DEPTOR: variants seen among roughly 807,000 people sequenced by gnomAD.
The protein encoded by DEPTOR is DEP domain containing MTOR interacting protein.
In DEPTOR, 41 loss-of-function variants were observed where a neutral mutation model predicts 41.6. The observed-to-expected ratio is 0.98, with a 90% CI of 0.77 to 1.28. The LOEUF (loss-of-function observed/expected upper bound fraction) is 1.28. Ranked by LOEUF, DEPTOR falls within the 50% of genes most tolerant of loss-of-function variation. The pLI, the probability that DEPTOR is intolerant of heterozygous loss-of-function variation, is 0.00. For missense variants in DEPTOR, 514 were observed against 527.9 expected (o/e 0.97, Z 0.26); for synonymous variants, 195 against 192.3 (o/e 1.01, Z -0.12).
intron 1 of DEPTOR, among the ~76,000 whole-genome samples, chr8:119,919,436 TTA>T (rs1827863165): frequency 6.6e-6 from 1 of 152,236 alleles, no homozygotes; most frequent in East Asian, 1.9e-4. Flanking sequence ...AATTTCATTT[TTA>T]TATATATTTG....
intron 1 of DEPTOR, among the ~76,000 whole-genome samples, chr8:119,878,562 C>T (rs1586594211): frequency 6.6e-6 from 1 of 150,730 alleles, no homozygotes; most frequent in Admixed American, 6.6e-5. Context: ...CTCTTGACCT[C>T]GTGATCCGCC....
At chr8:119,968,887 G>A (rs1005247752) in intron 4 of DEPTOR, among the ~76,000 whole-genome samples, 1 of 151,970 alleles carries the variant, frequency 6.6e-6, no homozygotes, top group African/African-American at 2.4e-5. Flanking sequence ...GGCTGGGCAT[G>A]GTGGCTCAGC....
chr8:120,035,746 G>T (rs1812971087), intron 8 of DEPTOR, among the ~76,000 whole-genome samples: 1 of 152,136 alleles, frequency 6.6e-6, no homozygotes, highest in African/African-American at 2.4e-5. Flanking sequence ...TGGCCAGGCT[G>T]GTTTCGAACT....
chr8:120,035,864 AC>A (rs1309223652), intron 8 of DEPTOR, among the ~76,000 whole-genome samples: 9 of 152,178 alleles, frequency 5.9e-5, no homozygotes, highest in Non-Finnish European at 1.3e-4. Context: ...ACGTTCAGAA[AC>A]CACCAGATAG....
intron 1 of DEPTOR, among the ~76,000 whole-genome samples, chr8:119,914,058 C>CT (rs1328167124): frequency 3.0e-4 from 40 of 132,144 alleles, no homozygotes; most frequent in Middle Eastern, 3.5e-3. Context: ...CTTTTTTGTT[C>CT]TTTTTTTTGA....
chr8:120,037,474 T>C (rs1045053962), intron 8 of DEPTOR, among the ~76,000 whole-genome samples: 1 of 152,160 alleles, frequency 6.6e-6, no homozygotes, highest in Non-Finnish European at 1.5e-5. Flanking sequence ...AAGGCAGAGA[T>C]TAGGTGATGC....
Position 119,940,226 on chromosome 8 carries a change from CA to C in DEPTOR, c.425+10292del, listed in dbSNP as rs531723976. On this transcript the variant is annotated intron_variant, in intron 3 of 8. Transcript: ENST00000286234. Reference sequence around the variant, plus strand: ...GAGTGAAACTCCATCTCAAACAAAACAAAACCAAGCAAAAAAAACATGTAAT... The same window carrying C: ...GAGTGAAACTCCATCTCAAACAAAACAAACCAAGCAAAAAAAACATGTAAT... 3.3e-3 allele frequency among the ~76,000 whole-genome samples: 507 copies of C among 151,602 alleles called. 10 individuals are homozygous for C. The highest frequency in any genetic ancestry group is 0.028 in the Admixed American group (419 of 15,198).
intron 1 of DEPTOR, among the ~76,000 whole-genome samples, chr8:119,907,014 C>G (rs553017574): frequency 2.6e-5 from 4 of 152,208 alleles, no homozygotes; most frequent in African/African-American, 9.6e-5. Flanking sequence ...TATAAGCAGG[C>G]GAAGAGAATG....
chr8:120,039,725 T>C (rs1813031504), intron 8 of DEPTOR, among the ~76,000 whole-genome samples: 1 of 152,230 alleles, frequency 6.6e-6, no homozygotes, highest in Non-Finnish European at 1.5e-5. Flanking sequence ...CCGATAATGG[T>C]TCTAAACTTA....
chr8:119,957,823 A>T (rs1828438908), intron 3 of DEPTOR, among the ~76,000 whole-genome samples: 1 of 152,118 alleles, frequency 6.6e-6, no homozygotes, highest in African/African-American at 2.4e-5. Context: ...TCCTGACCTC[A>T]AGTGATTCGC....
At chr8:119,939,305 A>G (rs563182410) in intron 3 of DEPTOR, among the ~76,000 whole-genome samples, 43 of 152,278 alleles carry the variant, frequency 2.8e-4, no homozygotes, top group Admixed American at 7.8e-4. Flanking sequence ...GGGCCGTCTC[A>G]GGAGGCAGCC....
chr8:119,989,006 G>T (rs1828866318), intron 4 of DEPTOR, among the ~76,000 whole-genome samples: 3 of 103,716 alleles, frequency 2.9e-5, no homozygotes, highest in African/African-American at 7.6e-5. Flanking sequence ...TTACCATGTT[G>T]CCCAGGCTAG....
intron 1 of DEPTOR, among the ~76,000 whole-genome samples, chr8:119,905,941 C>A (rs948637546): frequency 6.6e-6 from 1 of 152,232 alleles, no homozygotes; most frequent in Non-Finnish European, 1.5e-5. Flanking sequence ...CTGCACTTGG[C>A]CAATTTTTAA....
intron 1 of DEPTOR, among the ~76,000 whole-genome samples, chr8:119,924,506 C>A: frequency 6.6e-6 from 1 of 152,080 alleles, no homozygotes; most frequent in Non-Finnish European, 1.5e-5. Flanking sequence ...ACTTGCCTTA[C>A]CTTGCCACTC....
chr8:119,925,068 A>G (rs2078562831), intron 1 of DEPTOR, among the ~76,000 whole-genome samples: 1 of 152,180 alleles, frequency 6.6e-6, no homozygotes, highest in Non-Finnish European at 1.5e-5. Context: ...CGTGGGCAAG[A>G]AAACTTGTGC....
Position 119,873,936 on chromosome 8 carries a change from G to T in DEPTOR, c.90G>T (p.Met30Ile), listed in dbSNP as rs771148514. The T allele has an allele frequency of 1.9e-6, 3 of 1,613,624 alleles. No individual in the cohort carries two copies. In the African/African-American group the frequency reaches 4.0e-5, roughly 22 times the overall value. The change falls in exon 1 of 9, where the codon ATG becomes ATT. Residue 30 changes from methionine to isoleucine, a missense_variant. Transcript: ENST00000286234. ...GGAQQRELERMAEVLVTGEQL... is the reference protein window; with the variant it reads ...GGAQQRELERIAEVLVTGEQL... ...CGCAGCAAAGGGAGCTGGAGCGCAT[G>T]GCTGAGGTCTTGGTCACCGGGGAAC...
chr8:119,929,372 A>C (rs1236212789), intron 2 of DEPTOR, among the ~76,000 whole-genome samples: 1 of 151,644 alleles, frequency 6.6e-6, no homozygotes, highest in East Asian at 1.9e-4. Context: ...GGCACTGGGT[A>C]CTCTTCCTTT....
In DEPTOR at chr8:120,049,847, T is replaced by A; in HGVS notation, c.*143T>A. ...CCGCACATACATGTCTAAAGTTGAG[T>A]TTTATACACTGAATGTGGAAGAACC... is the stretch of plus-strand genomic sequence containing the variant. On this transcript the variant is annotated 3_prime_UTR_variant, in exon 9 of 9. Transcript: ENST00000286234. 1.1e-6 allele frequency: 1 copy of A among 935,688 alleles called. No individual in the cohort carries two copies. The highest frequency in any genetic ancestry group is 1.5e-6 in the Non-Finnish European group (1 of 672,330). The allele number at this position is 935,688 out of a possible 1,614,324, so 58.0% of individuals were successfully genotyped here.
intron 1 of DEPTOR, among the ~76,000 whole-genome samples, chr8:119,877,146 C>T (rs540105083): frequency 6.6e-6 from 1 of 152,256 alleles, no homozygotes; most frequent in East Asian, 1.9e-4. Context: ...TCTGATGACA[C>T]TTCTTCAGGA....
Sources: allele counts gnomAD v4.1 joint callset (sites outside exome capture counted in the v4.1 genomes callset), GRCh38; gene constraint gnomAD v4.1.1; transcripts MANE v1.5; gene names NCBI Gene and HGNC (gene_info 2026-07-23, HGNC 2026-07-21).